PNKD: variants seen among roughly 807,000 people sequenced by gnomAD.
PNKD encodes the protein PNKD metallo-beta-lactamase domain containing.
Under a neutral mutation model 45.3 loss-of-function variants are expected in PNKD, and 36 were observed. That is an observed-to-expected ratio of 0.80 (90% CI 0.61 to 1.05). PNKD has a LOEUF of 1.05. PNKD is among the 50% of genes least tolerant of loss of function. The pLI is 0.00. For synonymous variants in PNKD, 197 were observed against 210.1 expected, an observed-to-expected ratio of 0.94 and a Z score of 0.54; for missense variants, 511 against 506.6, an observed-to-expected ratio of 1.01 and a Z score of -0.08.
intron 2 of PNKD, among the ~76,000 whole-genome samples, chr2:218,331,580 G>A (rs944178388): frequency 1.3e-5 from 2 of 151,970 alleles, no homozygotes; most frequent in Non-Finnish European, 2.9e-5. Context: ...AAGCAGTTCT[G>A]CCTCAGTCTC....
Position 218,277,495 on chromosome 2 carries a change from C to T in PNKD, c.236+5946C>T, listed in dbSNP as rs985827718. 3.7e-6 allele frequency: 6 copies of T among 1,609,522 alleles called. No individual in the cohort carries two copies. In the African/African-American group the frequency reaches 4.0e-5, roughly 11 times the overall value. Reference sequence around the variant, plus strand: ...GTTACAGACAAGAGGCATTAAGCCACGTATGAATGACTTCAAAATCACCAC... The same window carrying T: ...GTTACAGACAAGAGGCATTAAGCCATGTATGAATGACTTCAAAATCACCAC... On this transcript the variant is annotated intron_variant, in intron 2 of 9. Transcript: ENST00000273077.
At chr2:218,339,710 T>G (rs1553673593) in intron 2 of PNKD, 73 bp from the exon 3 acceptor site, 6 of 860,906 alleles carry the variant, frequency 7.0e-6, no homozygotes, top group Non-Finnish European at 1.2e-5. Flanking sequence ...ATGTGGGGCC[T>G]GCAGGCATCA....
intron 2 of PNKD, among the ~76,000 whole-genome samples, chr2:218,298,219 G>T (rs1693194165): frequency 1.3e-5 from 2 of 152,178 alleles, no homozygotes; most frequent in African/African-American, 4.8e-5. Context: ...GGCAGGGCCA[G>T]CGAAATGCTT....
chr2:218,313,337 C>T (rs753868164), intron 2 of PNKD, among the ~76,000 whole-genome samples: 21 of 152,170 alleles, frequency 1.4e-4, no homozygotes, highest in Non-Finnish European at 2.2e-4. Flanking sequence ...TCTGGAACTC[C>T]TGACCTCAGG....
chr2:218,273,338 G>A (rs557196262), intron 2 of PNKD, among the ~76,000 whole-genome samples: 3 of 151,802 alleles, frequency 2.0e-5, no homozygotes, highest in Admixed American at 6.6e-5. Flanking sequence ...TGTTGTGATC[G>A]TCAGCTCACT....
At position 218,344,973 on chromosome 2, in the gene PNKD, A is replaced by C. The variant is rs765841531; in HGVS notation, c.1150A>C (p.Ser384Arg). 1 of 1,612,582 alleles carries C rather than the reference A, an allele frequency of 6.2e-7. No homozygotes were observed. The highest frequency in any genetic ancestry group is 1.3e-5 in the African/African-American group (1 of 74,878). Reference sequence around the variant, plus strand: ...CCGCCGGCTGAAGGATATGCACAAGAGCAAGTGATGCCCCCAGCGCCCCCA... The same window carrying C: ...CCGCCGGCTGAAGGATATGCACAAGCGCAAGTGATGCCCCCAGCGCCCCCA... ...ELRRLKDMHK[S>R]K Residue 384 changes from serine (S) to arginine (R), a missense_variant, in exon 10 of 10, where the codon AGC (serine) becomes CGC (arginine). Ser to Arg is a moderately radical substitution (Grantham distance 110). Transcript: ENST00000273077.
At chr2:218,287,286 G>A (rs1692597865) in intron 2 of PNKD, 2 of 152,278 alleles carry the variant, frequency 1.3e-5, no homozygotes, top group African/African-American at 4.8e-5. Flanking sequence ...TCTTCGTCAT[G>A]GGTTTGGAAC....
At chr2:218,286,651 G>A (rs1692537521) in intron 2 of PNKD, 1 of 152,256 alleles carries the variant, frequency 6.6e-6, no homozygotes, top group African/African-American at 2.4e-5. Context: ...TCTCAGTGTG[G>A]TAATCCTGCT....
At chr2:218,344,415 C>A (rs1179968393) in intron 8 of PNKD, 40 bp from the exon 9 acceptor site, 4 of 1,403,506 alleles carry the variant, frequency 2.9e-6, no homozygotes, top group Non-Finnish European at 4.0e-6. Flanking sequence ...TACCACCAAT[C>A]TCTCTCTGCT....
chr2:218,342,072 C>G lies in PNKD; in HGVS notation c.709C>G (p.Leu237Val), dbSNP rs1184894791. 1 of 1,612,322 alleles carries G rather than the reference C, an allele frequency of 6.2e-7. No individual in the cohort carries two copies. Among genetic ancestry groups the G allele is most frequent in the African/African-American group, 1.3e-5 (1 of 74,864 alleles). ...CCACACACAAGGCCATCTGGTCTAC[C>G]TACTGGATGGGGAGCCCTACAAGGG... ...PGHTQGHLVYLLDGEPYKGPS... is the reference protein window; with the variant it reads ...PGHTQGHLVYVLDGEPYKGPS... Residue 237 changes from leucine (L) to valine (V), a missense_variant, in exon 7 of 10, where the codon CTA becomes GTA. Transcript: ENST00000273077.
chr2:218,328,659 T>G (rs551926448), intron 2 of PNKD, among the ~76,000 whole-genome samples: 3 of 152,228 alleles, frequency 2.0e-5, no homozygotes, highest in Non-Finnish European at 4.4e-5. Context: ...TGTGATGATG[T>G]CAGCACGGTA....
chr2:218,291,359 TA>T (rs1692914658), intron 2 of PNKD, among the ~76,000 whole-genome samples: 1 of 152,058 alleles, frequency 6.6e-6, no homozygotes, highest in African/African-American at 2.4e-5. Flanking sequence ...TTTGCGCCAA[TA>T]AAGCAGCCCC....
At chr2:218,287,484 T>C (rs532080589) in intron 2 of PNKD, among the ~76,000 whole-genome samples, 6 of 151,842 alleles carry the variant, frequency 4.0e-5, no homozygotes, top group Non-Finnish European at 8.8e-5. Flanking sequence ...CCGAGGCAGG[T>C]GGATCACGAG....
chr2:218,321,553 A>G (rs997757942), intron 2 of PNKD, among the ~76,000 whole-genome samples: 26 of 152,040 alleles, frequency 1.7e-4, no homozygotes, highest in Non-Finnish European at 3.7e-4. Context: ...ATTCAGTTTG[A>G]AGATAATTTA....
At chr2:218,292,619 C>A (rs1311878623) in intron 2 of PNKD, 1 of 151,998 alleles carries the variant, frequency 6.6e-6, no homozygotes, top group African/African-American at 2.4e-5. Flanking sequence ...GCGCAGGGGT[C>A]TGTCCCGGGC....
At chr2:218,327,634 G>A (rs1253141515) in intron 2 of PNKD, among the ~76,000 whole-genome samples, 5 of 152,034 alleles carry the variant, frequency 3.3e-5, no homozygotes, top group Non-Finnish European at 7.4e-5. Flanking sequence ...CCGACAGTAT[G>A]GAGCCACGCC....
intron 2 of PNKD, among the ~76,000 whole-genome samples, chr2:218,322,585 G>A (rs1425625458): frequency 6.6e-6 from 1 of 152,188 alleles, no homozygotes; most frequent in East Asian, 1.9e-4. Flanking sequence ...CCGCTGGGGA[G>A]GCCCTCCCCC....
intron 2 of PNKD, among the ~76,000 whole-genome samples, chr2:218,285,607 T>C (rs1692444652): frequency 6.6e-6 from 1 of 152,184 alleles, no homozygotes; most frequent in Non-Finnish European, 1.5e-5. Flanking sequence ...CTTTACCAAC[T>C]AGACAGCCAC....
intron 2 of PNKD, among the ~76,000 whole-genome samples, chr2:218,302,252 G>A (rs778255957): frequency 1.7e-4 from 26 of 152,140 alleles, no homozygotes; most frequent in Non-Finnish European, 3.5e-4. Flanking sequence ...GGAGGCTGAG[G>A]CAGGAGAATC....
Sources: gnomAD v4.1 joint callset for allele counts (sites outside exome capture counted in the v4.1 genomes callset) on GRCh38, gnomAD v4.1.1 for gene constraint, MANE v1.5 for transcripts, NCBI Gene and HGNC (gene_info 2026-07-23, HGNC 2026-07-21) for gene names.